SRCAP: variants seen among roughly 807,000 people sequenced by gnomAD.
SRCAP encodes the protein chromatin remodeling protein SRCAP.
Under a neutral mutation model 263.1 loss-of-function variants are expected in SRCAP, and 46 were observed. The observed-to-expected ratio is 0.17, with a 90% CI of 0.14 to 0.22. SRCAP has a LOEUF of 0.22. Ranked by LOEUF, SRCAP falls within the 10% of genes least tolerant of loss-of-function variation. SRCAP has a pLI of 1.00. For synonymous variants in SRCAP, 1,813 were observed against 1,662.1 expected, an observed-to-expected ratio of 1.09 and a Z score of -2.21; for missense variants, 3,695 against 4,181.9, an observed-to-expected ratio of 0.88 and a Z score of 3.21.
Position 30,710,097 on chromosome 16 carries a change from G to T in SRCAP, c.1103G>T (p.Gly368Val). The T allele has an allele frequency of 1.2e-6, 2 of 1,614,092 alleles. No individual in the cohort carries two copies. Among genetic ancestry groups the T allele is most frequent in the Non-Finnish European group, 1.7e-6 (2 of 1,179,992 alleles). The change falls in exon 8 of 34, where the codon GGT becomes GTT. Residue 368 changes from glycine to valine, a missense_variant. Gly to Val is a moderately radical substitution (Grantham distance 109). Coordinates refer to ENST00000262518, the MANE Select transcript of SRCAP (RefSeq NM_006662.3). Reference protein sequence around the residue: ...DSDTRDGPEEGAEEEPPQVLE... With the variant: ...DSDTRDGPEEVAEEEPPQVLE... ...GACACCCGAGATGGGCCTGAAGAAGGTGCTGAAGAAGAGCCCCCTCAGGTG... is the reference window on the plus strand; with the variant it reads ...GACACCCGAGATGGGCCTGAAGAAGTTGCTGAAGAAGAGCCCCCTCAGGTG...
chr16:30,713,622 G>A lies in SRCAP; in HGVS notation c.2404G>A (p.Glu802Lys). The change falls in exon 16 of 34, where the codon GAG (glutamate) becomes AAG (lysine). Residue 802 changes from glutamate to lysine, a missense_variant. Glu to Lys is a moderately conservative substitution (Grantham distance 56). This residue lies in a region of SRCAP where 121 missense variants were observed against 330.7 expected (regional missense o/e 0.37). Coordinates refer to ENST00000262518, the MANE Select transcript of SRCAP (RefSeq NM_006662.3). ...LMPHVFQSHREFKEWFSNPLT... is the reference protein window; with the variant it reads ...LMPHVFQSHRKFKEWFSNPLT... Reference sequence around the variant, plus strand: ...GCCCCATGTCTTCCAGTCTCATCGCGAGTTCAAGGAGTGGTTCTCTAATCC... The same window carrying A: ...GCCCCATGTCTTCCAGTCTCATCGCAAGTTCAAGGAGTGGTTCTCTAATCC... 6.2e-7 allele frequency: 1 copy of A among 1,614,124 alleles called. No individual in the cohort carries two copies.
chr16:30,736,165 C>T, intron 31 of SRCAP, 35 bp from the exon 32 acceptor site: 1 of 1,611,086 alleles, frequency 6.2e-7, no homozygotes, highest in Non-Finnish European at 8.5e-7. Flanking sequence ...TACTTGAAGT[C>T]TCATGTTTTC....
chr16:30,704,745 G>A (rs76680831), intron 4 of SRCAP, among the ~76,000 whole-genome samples: 1 of 152,196 alleles, frequency 6.6e-6, no homozygotes, highest in East Asian at 1.9e-4. Flanking sequence ...AGGAGCCTGA[G>A]TTGAGAGGAT....
chr16:30,739,855 C>CTCCCTTCT lies in SRCAP; in HGVS notation c.*127_*134dup. ...GCCTCCAGGGAGACATAGGGGCCTT[C>CTCCCTTCT]TCCCTTCTTCCCACCAAAGTAGGGG... On this transcript the variant is annotated 3_prime_UTR_variant, in exon 34 of 34. Transcript: ENST00000262518. 1 of 1,384,238 alleles carries CTCCCTTCT rather than the reference C, an allele frequency of 7.2e-7. No individual in the cohort carries two copies. Among genetic ancestry groups the CTCCCTTCT allele is most frequent in the South Asian group, 1.7e-5 (1 of 57,368 alleles). 85.7% of individuals were successfully genotyped at this position (1,384,238 alleles called of 1,614,324 possible). A position where few individuals can be genotyped will look rare whatever the true frequency, so the allele number is the denominator to read the frequency against.
In SRCAP at chr16:30,739,544, A is replaced by C; in HGVS notation, c.9504A>C (p.Ser3168=). ...QPPSPLGPEG[S]VEESEAEASG... Reference sequence around the variant, plus strand: ...CAAGTCCCCTGGGGCCTGAGGGTTCAGTAGAGGAGTCTGAGGCTGAAGCCT... The same window carrying C: ...CAAGTCCCCTGGGGCCTGAGGGTTCCGTAGAGGAGTCTGAGGCTGAAGCCT... Residue 3168 remains serine (S), a synonymous_variant, in exon 34 of 34, where the codon TCA becomes TCC. Transcript: ENST00000262518. 6.2e-7 allele frequency: 1 copy of C among 1,610,672 alleles called. No homozygotes were observed. The highest frequency in any genetic ancestry group is 8.5e-7 in the Non-Finnish European group (1 of 1,178,586).
At chr16:30,712,643 C>T (rs759860269) in intron 13 of SRCAP, 36 bp from the exon 14 acceptor site, 2 of 1,613,300 alleles carry the variant, frequency 1.2e-6, no homozygotes, top group Admixed American at 1.7e-5. Flanking sequence ...ACAGAATTTA[C>T]ATTTCCTTAC....
rs777936953 is a variant in SRCAP, at chr16:30,737,576, A to C, written c.7536A>C (p.Thr2512=). 29 of 1,613,188 alleles carry C rather than the reference A, an allele frequency of 1.8e-5. No homozygotes were observed. The African/African-American group carries it at 3.9e-4, about 22-fold the overall frequency. ...CCTGTACCCCTCCACCAGCTCATACACCGCCTCCAGCCCAAACCTGTCTTG... is the reference window on the plus strand; with the variant it reads ...CCTGTACCCCTCCACCAGCTCATACCCCGCCTCCAGCCCAAACCTGTCTTG... ...PPACTPPPAH[T]PPPAQTCLVT... The change falls in exon 34 of 34, where the codon ACA becomes ACC. Residue 2512 remains threonine, a synonymous_variant. Transcript: ENST00000262518.
Position 30,738,889 on chromosome 16 carries a change from T to C in SRCAP, c.8849T>C (p.Ile2950Thr). ...GRPPKARDLP[I>T]PGTISSAGDG... ...CCCCCTAAAGCACGAGATTTGCCCA[T>C]CCCTGGGACCATTTCCTCTGCAGGG... The change falls in exon 34 of 34, where the codon ATC (isoleucine) becomes ACC (threonine). Residue 2950 changes from isoleucine (I) to threonine (T), a missense_variant. This residue lies in a region of SRCAP where 1,207 missense variants were observed against 1,142.9 expected (regional missense o/e 1.06). Transcript: ENST00000262518. The C allele has an allele frequency of 6.2e-7, 1 of 1,614,004 alleles. No individual in the cohort carries two copies. The highest frequency in any genetic ancestry group is 8.5e-7 in the Non-Finnish European group (1 of 1,179,998).
Position 30,713,253 on chromosome 16 carries a change from A to G in SRCAP, c.2176A>G (p.Lys726Glu), listed in dbSNP as rs1483010272. The G allele has an allele frequency of 5.0e-6, 8 of 1,613,932 alleles. No homozygotes were observed. The highest frequency in any genetic ancestry group is 6.8e-6 in the Non-Finnish European group (8 of 1,180,030). The stretch of plus-strand genomic sequence containing the variant: ...CTTTCATGTGTGTATCACATCTTAC[A>G]AGCTGGTGCTGCAGGACCACCAGGC... Reference protein sequence around the residue: ...NAFHVCITSYKLVLQDHQAFR... With the variant: ...NAFHVCITSYELVLQDHQAFR... Residue 726 changes from lysine to glutamate, a missense_variant, in exon 15 of 34, where the codon AAG (lysine) becomes GAG (glutamate). By Grantham distance (56) the Lys-to-Glu change is moderately conservative. This residue lies in a region of SRCAP where 121 missense variants were observed against 330.7 expected (regional missense o/e 0.37). Coordinates refer to ENST00000262518, the MANE Select transcript of SRCAP (RefSeq NM_006662.3).
chr16:30,703,140 AATC>A (rs2052786995), intron 3 of SRCAP, among the ~76,000 whole-genome samples: 1 of 145,554 alleles, frequency 6.9e-6, no homozygotes, highest in Non-Finnish European at 1.5e-5. Flanking sequence ...CAGAATTTGA[AATC>A]ATATGCTATA....
At chr16:30,722,349 G>A (rs1596654736) in intron 22 of SRCAP, 63 bp downstream of exon 22, 1 of 1,569,708 alleles carries the variant, frequency 6.4e-7, no homozygotes, top group Non-Finnish European at 8.6e-7. Context: ...TTGTTTTTGT[G>A]ACTTTTTTGA....
At position 30,710,781 on chromosome 16, in the gene SRCAP, C is replaced by G. The variant is rs201156311; in HGVS notation, c.1162C>G (p.Gln388Glu). 271 of 1,614,214 alleles carry G rather than the reference C, an allele frequency of 1.7e-4. 1 individual carries two copies. Among genetic ancestry groups the G allele is most frequent in the Non-Finnish European group, 2.5e-5 (29 of 1,180,038 alleles). ...AAAGCCCCCACCCTCTGCTGTCACA[C>G]AGCGCAACAAACAGCCTTGGCATCC... The part of the protein sequence containing the change: ...EIKPPPSAVT[Q>E]RNKQPWHPDE... Residue 388 changes from glutamine (Q) to glutamate (E), a missense_variant, in exon 9 of 34, where the codon CAG (glutamine) becomes GAG (glutamate). Physicochemically the swap from Gln to Glu is conservative, Grantham distance 29. This residue lies in a region of SRCAP where 288 missense variants were observed against 302.4 expected (regional missense o/e 0.95). Coordinates refer to ENST00000262518, the MANE Select transcript of SRCAP (RefSeq NM_006662.3).
chr16:30,720,278 T>C lies in SRCAP; in HGVS notation c.2934T>C (p.Ala978=), dbSNP rs1287662872. Residue 978 remains alanine, a synonymous_variant, in exon 19 of 34, where the codon GCT becomes GCC. Coordinates refer to ENST00000262518, the MANE Select transcript of SRCAP (RefSeq NM_006662.3). The part of the protein sequence containing the change: ...RLSRRVLLEV[A]TAPDPPPRPK... ...CTCGCCGGGTACTGTTAGAAGTGGC[T>C]ACTGCTCCTGACCCCCCACCCCGGC... 9 of 1,614,050 alleles carry C rather than the reference T, an allele frequency of 5.6e-6. No homozygotes were observed. The highest frequency in any genetic ancestry group is 1.1e-5 in the South Asian group (1 of 91,078).
chr16:30,723,236 C>G lies in SRCAP; in HGVS notation c.4159+7C>G, dbSNP rs2053028952. On this transcript the variant is annotated splice_region_variant and intron_variant, in intron 24 of 33. Coordinates refer to ENST00000262518, the MANE Select transcript of SRCAP (RefSeq NM_006662.3). ...CCTTCACCTGAAGTCAGTGGTGAGT[C>G]CAGGTGGCTGAGGCCAGAAATCCTT... The G allele has an allele frequency of 6.3e-7, 1 of 1,590,000 alleles. No individual in the cohort carries two copies. Among genetic ancestry groups the G allele is most frequent in the Non-Finnish European group, 8.6e-7 (1 of 1,164,916 alleles).
intron 26 of SRCAP, 35 bp downstream of exon 26, chr16:30,729,266 T>C (rs2053091053): frequency 6.3e-7 from 1 of 1,597,716 alleles, no homozygotes; most frequent in Non-Finnish European, 8.5e-7. Flanking sequence ...GGAGTGGGTC[T>C]TGGGGCCTCA....
intron 31 of SRCAP, 111 bp downstream of exon 31, chr16:30,734,726 C>T: frequency 1.3e-6 from 2 of 1,495,714 alleles, no homozygotes; most frequent in Non-Finnish European, 9.1e-7. Context: ...TTCTGCTTCC[C>T]AGATTACAGT....
rs2053093469 is a variant in SRCAP, at chr16:30,729,487, C to G, written c.6042C>G (p.Leu2014=). The G allele has an allele frequency of 6.2e-7, 1 of 1,614,112 alleles. No individual in the cohort carries two copies. Among genetic ancestry groups the G allele is most frequent in the African/African-American group, 1.3e-5 (1 of 74,934 alleles). The change falls in exon 27 of 34, where the codon CTC becomes CTG. Residue 2014 remains leucine (L), a synonymous_variant. Coordinates refer to ENST00000262518, the MANE Select transcript of SRCAP (RefSeq NM_006662.3). ...TCCAGGAGCAATTGGCCTCTGAGCTCTGGCCCCGGGCTCGTCCTTTGCACC... is the reference window on the plus strand; with the variant it reads ...TCCAGGAGCAATTGGCCTCTGAGCTGTGGCCCCGGGCTCGTCCTTTGCACC... ...AAFQEQLASE[L]WPRARPLHRI...
rs768555151 is a variant in SRCAP at position 30,737,177 on chromosome 16, C to G, written c.7137C>G (p.His2379Gln). The G allele has an allele frequency of 6.2e-7, 1 of 1,614,066 alleles. No individual in the cohort carries two copies. The highest frequency in any genetic ancestry group is 8.5e-7 in the Non-Finnish European group (1 of 1,180,008). ...CCTGTGGGACTGGTGGAGGCACCCA[C>G]CGGCGCAGTAAAAAGGCCAAAGCCC... ...ESSCGTGGGT[H>Q]RRSKKAKAPE... The change falls in exon 34 of 34, where the codon CAC (histidine) becomes CAG (glutamine). Residue 2379 changes from histidine to glutamine, a missense_variant. His to Gln is a conservative substitution (Grantham distance 24). Transcript: ENST00000262518.
chr16:30,737,225 C>T lies in SRCAP; in HGVS notation c.7185C>T (p.Val2395=). 1 of 1,614,092 alleles carries T rather than the reference C, an allele frequency of 6.2e-7. No individual in the cohort carries two copies. The highest frequency in any genetic ancestry group is 8.5e-7 in the Non-Finnish European group (1 of 1,180,006). Residue 2395 remains valine, a synonymous_variant, in exon 34 of 34, where the codon GTC becomes GTT. Transcript: ENST00000262518. ...AKAPERPGTR[V]SERLRGARAE... ...CCCCTGAGAGGCCGGGGACTCGTGT[C>T]AGTGAGCGTCTTCGTGGAGCCCGGG... is the stretch of plus-strand genomic sequence containing the variant.
Sources: gnomAD v4.1 joint callset for allele counts (sites outside exome capture counted in the v4.1 genomes callset) on GRCh38, gnomAD v4.1.1 for gene constraint, gnomAD v4.1.1 regional missense constraint, MANE v1.5 for transcripts, NCBI Gene and HGNC (gene_info 2026-07-23, HGNC 2026-07-21) for gene names.